Variants in SLC30A6 observed in about 807,000 individuals in gnomAD.
The protein encoded by SLC30A6 is zinc transporter 6.
Under a neutral mutation model 63.0 loss-of-function variants are expected in SLC30A6, and 55 were observed. That is an observed-to-expected ratio of 0.87 (90% CI 0.70 to 1.09). SLC30A6 has a LOEUF of 1.09. SLC30A6 is among the 50% of genes least tolerant of loss of function. The pLI is 0.00. For missense variants in SLC30A6, 587 were observed against 549.2 expected (o/e 1.07, Z -0.69); for synonymous variants, 224 against 186.1 (o/e 1.20, Z -1.66).
intron 1 of SLC30A6, among the ~76,000 whole-genome samples, chr2:32,168,648 C>G (rs1195498903): frequency 6.6e-6 from 1 of 152,238 alleles, no homozygotes; most frequent in East Asian, 1.9e-4. Context: ...TTGTGCCCCA[C>G]TCTAATACTC....
rs192574477 is a variant in SLC30A6, at chr2:32,220,778, A to G, written c.*65A>G. The G allele has an allele frequency of 3.6e-5, 50 of 1,399,470 alleles. No homozygotes were observed. In the East Asian group the frequency reaches 6.5e-4, roughly 18 times the overall value. 86.7% of individuals were successfully genotyped at this position (1,399,470 alleles called of 1,614,324 possible). A position where few individuals can be genotyped will look rare whatever the true frequency, so the allele number is the denominator to read the frequency against. ...GGCTTCCAATTTATTTAGTAATCCA[A>G]CTTTGCATTGACTGTTTAATCATTT... On this transcript the variant is annotated 3_prime_UTR_variant, in exon 14 of 14. Transcript: ENST00000282587.
At chr2:32,217,604 A>T (rs544766418) in intron 13 of SLC30A6, among the ~76,000 whole-genome samples, 49 of 152,142 alleles carry the variant, frequency 3.2e-4, no homozygotes, top group Non-Finnish European at 6.5e-4. Flanking sequence ...ATGAAAAATG[A>T]CATTGGTAGT....
chr2:32,177,323 CT>C (rs987958402), intron 4 of SLC30A6, among the ~76,000 whole-genome samples: 7 of 148,782 alleles, frequency 4.7e-5, no homozygotes, highest in African/African-American at 4.9e-5. Flanking sequence ...GTTACTCTTT[CT>C]TTTTTTTTTG....
rs76828792 is a variant in SLC30A6, at chr2:32,220,437, G to C, written c.1110G>C (p.Leu370Phe). Residue 370 changes from leucine (L) to phenylalanine (F), a missense_variant, in exon 14 of 14, where the codon TTG becomes TTC. Coordinates refer to ENST00000282587, the MANE Select transcript of SLC30A6 (RefSeq NM_017964.5). Reference sequence around the variant, plus strand: ...CTCTTTTAAAGGGTACTGATGATTTGAACCCAGTTACATCAACTCCAGCTA... The same window carrying C: ...CTCTTTTAAAGGGTACTGATGATTTCAACCCAGTTACATCAACTCCAGCTA... The part of the protein sequence containing the change: ...PMPLLKGTDD[L>F]NPVTSTPAKP... 1 of 1,614,126 alleles carries C rather than the reference G, an allele frequency of 6.2e-7. No homozygotes were observed. The highest frequency in any genetic ancestry group is 1.1e-5 in the South Asian group (1 of 91,064).
chr2:32,195,889 A>C (rs1403609153), intron 8 of SLC30A6, among the ~76,000 whole-genome samples: 1 of 152,026 alleles, frequency 6.6e-6, no homozygotes, highest in Non-Finnish European at 1.5e-5. Context: ...AGAAACATCA[A>C]GATTTGTGAC....
chr2:32,177,504 C>A, intron 4 of SLC30A6: 1 of 245,542 alleles, frequency 4.1e-6, no homozygotes. Flanking sequence ...TTTGGCTGGG[C>A]TGGTCTCAAA....
Position 32,203,818 on chromosome 2 carries a change from T to A in SLC30A6, c.666-772T>A, listed in dbSNP as rs1684504531. The A allele has an allele frequency of 3.5e-6, 5 of 1,446,180 alleles. No individual in the cohort carries two copies. The African/African-American group carries it at 5.6e-5, about 16-fold the overall frequency. The allele number at this position is 1,446,180 out of a possible 1,614,324, so 89.6% of individuals were successfully genotyped here. ...AGAATATTATGATAGAAACACATCT[T>A]CTAATTCCAGACAGAGGAGTGGTTG... On this transcript the variant is annotated intron_variant, in intron 10 of 13. Transcript: ENST00000282587.
intron 5 of SLC30A6, 88 bp downstream of exon 5, chr2:32,184,426 C>G: frequency 1.4e-6 from 1 of 712,638 alleles, no homozygotes; most frequent in Non-Finnish European, 2.1e-6. Context: ...TAGAGTATTT[C>G]TGGAAAATAA....
chr2:32,220,786 T>C lies in SLC30A6; in HGVS notation c.*73T>C, dbSNP rs928734727. The C allele has an allele frequency of 4.5e-6, 6 of 1,336,746 alleles. No homozygotes were observed. The African/African-American group carries it at 8.8e-5, about 20-fold the overall frequency. 82.8% of individuals were successfully genotyped at this position (1,336,746 alleles called of 1,614,324 possible). ...ATTTATTTAGTAATCCAACTTTGCA[T>C]TGACTGTTTAATCATTTACTCTAAA... On this transcript the variant is annotated 3_prime_UTR_variant, in exon 14 of 14. Coordinates refer to ENST00000282587, the MANE Select transcript of SLC30A6 (RefSeq NM_017964.5).
chr2:32,217,963 GT>G (rs1353381297), intron 13 of SLC30A6, among the ~76,000 whole-genome samples: 1 of 151,854 alleles, frequency 6.6e-6, no homozygotes, highest in Non-Finnish European at 1.5e-5. Flanking sequence ...AGCCTCCTGC[GT>G]AGCTGAGTAG....
At chr2:32,176,649 T>C (rs1387735637) in intron 4 of SLC30A6, among the ~76,000 whole-genome samples, 4 of 150,786 alleles carry the variant, frequency 2.7e-5, no homozygotes, top group Admixed American at 2.7e-4. Flanking sequence ...CAGAGTGAGA[T>C]TCCATCTCAA....
chr2:32,197,318 A>T, intron 8 of SLC30A6, 26 bp from the exon 9 acceptor site: 1 of 1,593,318 alleles, frequency 6.3e-7, no homozygotes, highest in East Asian at 2.3e-5. Context: ...TTCTATATAG[A>T]TAATTTAAGT....
intron 5 of SLC30A6, among the ~76,000 whole-genome samples, chr2:32,191,532 C>T (rs192515097): frequency 3.3e-5 from 5 of 152,242 alleles, no homozygotes; most frequent in African/African-American, 1.2e-4. Flanking sequence ...TTCCTGGCCT[C>T]TGGCTTATAG....
chr2:32,171,029 C>T (rs1681154880), intron 1 of SLC30A6, among the ~76,000 whole-genome samples: 1 of 152,120 alleles, frequency 6.6e-6, no homozygotes, highest in African/African-American at 2.4e-5. Flanking sequence ...GCTAAAAAGC[C>T]TGGGTTTGAA....
At chr2:32,166,496 C>T (rs1680670249) in intron 1 of SLC30A6, among the ~76,000 whole-genome samples, 1 of 152,166 alleles carries the variant, frequency 6.6e-6, no homozygotes, top group East Asian at 1.9e-4. Context: ...ATGGAAGACC[C>T]AGTAGACGTT....
chr2:32,217,359 T>G (rs952267613), intron 13 of SLC30A6, among the ~76,000 whole-genome samples: 3 of 152,224 alleles, frequency 2.0e-5, no homozygotes, highest in Non-Finnish European at 2.9e-5. Context: ...GTTGACTTTG[T>G]CAAAGATCAG....
At chr2:32,176,621 G>A (rs1000190239) in intron 4 of SLC30A6, among the ~76,000 whole-genome samples, 1 of 149,974 alleles carries the variant, frequency 6.7e-6, no homozygotes, top group Non-Finnish European at 1.5e-5. Context: ...TCGCAGCACT[G>A]CACTCCAGCC....
chr2:32,200,839 A>T (rs942893103), intron 10 of SLC30A6, among the ~76,000 whole-genome samples: 30 of 151,262 alleles, frequency 2.0e-4, no homozygotes, highest in South Asian at 6.3e-4. Context: ...ATAAAGAAAA[A>T]AATAATAATA....
At chr2:32,182,662 C>T (rs563001522) in intron 4 of SLC30A6, among the ~76,000 whole-genome samples, 1 of 152,178 alleles carries the variant, frequency 6.6e-6, no homozygotes, top group African/African-American at 2.4e-5. Context: ...TGTAGGTCAG[C>T]GTTCCCTACT....
Sources: gnomAD v4.1 joint callset for allele counts (sites outside exome capture counted in the v4.1 genomes callset) on GRCh38, gnomAD v4.1.1 for gene constraint, MANE v1.5 for transcripts, NCBI Gene and HGNC (gene_info 2026-07-23, HGNC 2026-07-21) for gene names.